ARHGEF10: variants seen among roughly 807,000 people sequenced by gnomAD.
The protein encoded by ARHGEF10 is Rho guanine nucleotide exchange factor 10, also known as Rho guanine nucleotide exchange factor (GEF) 10.
A neutral mutation model predicts 147.4 loss-of-function variants in ARHGEF10; 140 were observed. The ratio of observed to expected loss-of-function variants is 0.95; its 90% confidence interval spans 0.83 to 1.09. The LOEUF is 1.09. Ranked by LOEUF, ARHGEF10 falls within the 50% of genes least tolerant of loss-of-function variation. ARHGEF10 has a pLI of 0.00. For missense variants in ARHGEF10, 2,222 were observed against 1,752.7 expected (o/e 1.27, Z -4.78); for synonymous variants, 902 against 695.8 (o/e 1.30, Z -4.67).
intron 18 of ARHGEF10, among the ~76,000 whole-genome samples, chr8:1,920,032 A>ATGGGTGATGGAGCTGTTCTG (rs1812141984): frequency 1.9e-5 from 2 of 105,944 alleles, no homozygotes; most frequent in Non-Finnish European, 3.8e-5. Flanking sequence ...GAGCTGTTCT[A>ATGGGTGATGGAGCTGTTCTG]TGGGTGATGG....
At chr8:1,858,475 T>A (rs1805789502) in intron 3 of ARHGEF10, among the ~76,000 whole-genome samples, 1 of 152,238 alleles carries the variant, frequency 6.6e-6, no homozygotes, top group Non-Finnish European at 1.5e-5. Flanking sequence ...CTATTTTCCA[T>A]AATTTTCAAC....
chr8:1,874,315 T>C (rs933617767), intron 7 of ARHGEF10, among the ~76,000 whole-genome samples: 4 of 152,202 alleles, frequency 2.6e-5, no homozygotes, highest in Non-Finnish European at 5.9e-5. Context: ...CGTCCAAACG[T>C]GCCTGATCCT....
intron 27 of ARHGEF10, among the ~76,000 whole-genome samples, chr8:1,952,503 A>C (rs1007369022): frequency 1.3e-5 from 2 of 152,202 alleles, no homozygotes; most frequent in African/African-American, 4.8e-5. Context: ...GTGCAGGTGC[A>C]GGGTATGCCC....
In ARHGEF10 at chr8:1,841,802, A is replaced by AGGAACTGGGTCCGCGGCG. The variant is rs1563161158; in HGVS notation, c.-47-1542_-47-1541insTCCGCGGCGGGAACTGGG. On this transcript the variant is annotated intron_variant, in intron 1 of 28. Coordinates refer to ENST00000349830, the MANE Select transcript of ARHGEF10 (RefSeq NM_014629.4). ...ATGTTGGTGAAATGACCTGAAACCT[A>AGGAACTGGGTCCGCGGCG]GGAACTGGGGCCGCGGCGGGAACTG... is the stretch of plus-strand genomic sequence containing the variant. Among the ~76,000 whole-genome samples the AGGAACTGGGTCCGCGGCG allele has an allele frequency of 8.0e-4, 109 of 136,904 alleles. 2 individuals carry two copies. The highest frequency in any genetic ancestry group is 3.0e-3 in the African/African-American group (106 of 35,588). 89.8% of individuals were successfully genotyped at this position (136,904 alleles called of 152,430 possible).
At chr8:1,867,234 C>T (rs73671008) in intron 6 of ARHGEF10, among the ~76,000 whole-genome samples, 278 of 152,156 alleles carry the variant, frequency 1.8e-3, no homozygotes, top group African/African-American at 6.4e-3. Flanking sequence ...TAGCCTGAAG[C>T]AAATGTGCTT....
At chr8:1,945,166 G>A (rs1290601327) in intron 26 of ARHGEF10, among the ~76,000 whole-genome samples, 2 of 152,220 alleles carry the variant, frequency 1.3e-5, no homozygotes, top group African/African-American at 2.4e-5. Context: ...TGGGGGGATG[G>A]ATCCTGTGCC....
Position 1,892,340 on chromosome 8 carries a change from G to A in ARHGEF10, c.1183-1229G>A, listed in dbSNP as rs568046139. Among the ~76,000 whole-genome samples, 5 of 131,734 alleles carry A rather than the reference G, an allele frequency of 3.8e-5. No individual in the cohort carries two copies. The East Asian group carries it at 1.1e-3, about 29-fold the overall frequency. The allele number at this position is 131,734 out of a possible 152,430, so 86.4% of individuals were successfully genotyped here. On this transcript the variant is annotated intron_variant, in intron 11 of 28. Transcript: ENST00000349830. ...GTGTGTGTGTGTGTTTAATCCCAGC[G>A]ATACCTGTATTTTTTAAATACATTA...
intron 11 of ARHGEF10, among the ~76,000 whole-genome samples, chr8:1,887,951 G>C (rs2129137897): frequency 6.6e-6 from 1 of 150,686 alleles, no homozygotes; most frequent in South Asian, 2.1e-4. Flanking sequence ...GGGGTGAGGG[G>C]TCTGTGATGA....
intron 24 of ARHGEF10, among the ~76,000 whole-genome samples, chr8:1,928,854 C>G (rs1205834454): frequency 1.3e-5 from 2 of 152,164 alleles, no homozygotes; most frequent in Non-Finnish European, 2.9e-5. Flanking sequence ...CTAGGAAACT[C>G]TTAAAGAGAA....
intron 4 of ARHGEF10, among the ~76,000 whole-genome samples, chr8:1,863,765 T>A (rs563009429): frequency 3.3e-5 from 5 of 152,166 alleles, no homozygotes; most frequent in Non-Finnish European, 5.9e-5. Context: ...GCACTGCGGC[T>A]TTGCTCACGG....
chr8:1,864,309 A>C (rs1806395564), intron 4 of ARHGEF10, 64 bp from the exon 5 acceptor site: 15 of 1,525,182 alleles, frequency 9.8e-6, no homozygotes, highest in Admixed American at 1.7e-5. Flanking sequence ...AAGGGTAAAA[A>C]CATCAACTTC....
At chr8:1,831,851 G>C (rs1803131323) in intron 1 of ARHGEF10, among the ~76,000 whole-genome samples, 1 of 152,232 alleles carries the variant, frequency 6.6e-6, no homozygotes, top group Non-Finnish European at 1.5e-5. Context: ...CTCACCATGG[G>C]ATCCTATGGG....
At chr8:1,876,395 G>T in intron 7 of ARHGEF10, 176 bp from the exon 8 acceptor site, 1 of 671,040 alleles carries the variant, frequency 1.5e-6, no homozygotes, top group Non-Finnish European at 2.6e-6. Flanking sequence ...CCGGGTGGTG[G>T]AGGCGCTGCA....
rs957272429 is a variant in ARHGEF10 at position 1,880,052 on chromosome 8, C to T, written c.848C>T (p.Ser283Phe). Residue 283 changes from serine to phenylalanine, a missense_variant, in exon 9 of 29, where the codon TCT becomes TTT. By Grantham distance (155) the Ser-to-Phe change is radical. Transcript: ENST00000349830. ...CTGTGTCTCTTTATGCTGTAGCTTT[C>T]TCATGACCTAACCCGTTTAAAGGAG... The part of the protein sequence containing the change: ...FLRSNHKKQL[S>F]HDLTRLKEHY... The T allele has an allele frequency of 5.0e-6, 8 of 1,610,066 alleles. No individual in the cohort carries two copies. Among genetic ancestry groups the T allele is most frequent in the Admixed American group, 1.7e-5 (1 of 60,004 alleles).
intron 26 of ARHGEF10, among the ~76,000 whole-genome samples, chr8:1,941,881 C>A (rs530687303): frequency 3.8e-4 from 57 of 150,954 alleles, no homozygotes; most frequent in South Asian, 1.2e-3. Flanking sequence ...GCTGCTGGCA[C>A]AACAGGTGCT....
chr8:1,926,721 CAACT>C (rs1398556405), intron 23 of ARHGEF10: 25 of 542,764 alleles, frequency 4.6e-5, no homozygotes, highest in Admixed American at 9.6e-5. Context: ...AGTCCAGAGA[CAACT>C]AACTAATAAG....
chr8:1,909,400 G>T lies in ARHGEF10; in HGVS notation c.2073G>T (p.Thr691=). 1 of 1,614,126 alleles carries T rather than the reference G, an allele frequency of 6.2e-7. No homozygotes were observed. Among genetic ancestry groups the T allele is most frequent in the Non-Finnish European group, 8.5e-7 (1 of 1,180,024 alleles). Residue 691 remains threonine (T), a synonymous_variant, in exon 18 of 29, where the codon ACG becomes ACT. Coordinates refer to ENST00000349830, the MANE Select transcript of ARHGEF10 (RefSeq NM_014629.4). The part of the protein sequence containing the change: ...DAIEYGSSAG[T]GEHSRHLAVH... ...TCGAGTATGGCAGCAGCGCAGGCACGGGCGAGCACAGCAGGCACCTTGCCG... is the reference window on the plus strand; with the variant it reads ...TCGAGTATGGCAGCAGCGCAGGCACTGGCGAGCACAGCAGGCACCTTGCCG...
intron 18 of ARHGEF10, among the ~76,000 whole-genome samples, chr8:1,916,792 T>C (rs1420132643): frequency 6.6e-6 from 1 of 152,244 alleles, no homozygotes; most frequent in African/African-American, 2.4e-5. Flanking sequence ...AATTAATTCT[T>C]GTTCTCTGTT....
chr8:1,935,877 G>C (rs1419748356), intron 26 of ARHGEF10, among the ~76,000 whole-genome samples: 1 of 152,262 alleles, frequency 6.6e-6, no homozygotes, highest in East Asian at 1.9e-4. Flanking sequence ...GCACGCCCAT[G>C]GGGGCACGTG....
Sources: allele counts gnomAD v4.1 joint callset (sites outside exome capture counted in the v4.1 genomes callset), GRCh38; gene constraint gnomAD v4.1.1; transcripts MANE v1.5; gene names NCBI Gene and HGNC (gene_info 2026-07-23, HGNC 2026-07-21).